PCCA: variants seen among roughly 807,000 people sequenced by gnomAD.
PCCA encodes the protein propionyl-CoA carboxylase alpha chain, mitochondrial.
Under a neutral mutation model 101.3 loss-of-function variants are expected in PCCA, and 74 were observed. That is an observed-to-expected ratio of 0.73 (90% confidence interval 0.61 to 0.89). The LOEUF is 0.89. PCCA is among the 40% of genes least tolerant of loss of function. PCCA has a pLI of 0.00. For synonymous variants in PCCA, 294 were observed against 313.6 expected (o/e 0.94, Z 0.66); for missense variants, 891 against 907.0 (o/e 0.98, Z 0.23).
chr13:100,309,902 A>T lies in PCCA; in HGVS notation c.1423A>T (p.Ile475Phe), dbSNP rs35719359. 1.2e-6 allele frequency: 2 copies of T among 1,609,830 alleles called. No individual in the cohort carries two copies. The highest frequency in any genetic ancestry group is 1.7e-6 in the Non-Finnish European group (2 of 1,176,156). Residue 475 changes from isoleucine to phenylalanine, a missense_variant, in exon 16 of 24, where the codon ATT becomes TTT. Coordinates refer to ENST00000376285, the MANE Select transcript of PCCA (RefSeq NM_000282.4). ...RMADALDNYV[I>F]RGVTHNIALL... ...GGCAGATGCACTGGATAACTATGTTATTCGAGGTAAAAACAAAGATTTGCA... is the reference window on the plus strand; with the variant it reads ...GGCAGATGCACTGGATAACTATGTTTTTCGAGGTAAAAACAAAGATTTGCA...
At chr13:100,356,998 A>G (rs534398624) in intron 18 of PCCA, among the ~76,000 whole-genome samples, 1 of 152,346 alleles carries the variant, frequency 6.6e-6, no homozygotes, top group Admixed American at 6.5e-5. Flanking sequence ...GAATAAGCAA[A>G]GCTATAGAAA....
chr13:100,224,459 A>T (rs2060027333), intron 7 of PCCA, among the ~76,000 whole-genome samples: 1 of 152,174 alleles, frequency 6.6e-6, no homozygotes, highest in African/African-American at 2.4e-5. Flanking sequence ...AAGCTGAGGG[A>T]GCTGGCTCTG....
intron 4 of PCCA, among the ~76,000 whole-genome samples, chr13:100,117,287 A>G (rs77455718): frequency 0.036 from 5,507 of 152,256 alleles, 347 homozygotes; most frequent in African/African-American, 0.13. Context: ...AAAAAATTAG[A>G]AAAGTAGTAC....
At chr13:100,368,206 T>C (rs1595619503) in intron 18 of PCCA, among the ~76,000 whole-genome samples, 1 of 151,534 alleles carries the variant, frequency 6.6e-6, no homozygotes, top group African/African-American at 2.4e-5. Flanking sequence ...TTCATTGTAA[T>C]TTTTTTTTAA....
At chr13:100,504,403 C>T (rs751516533) in intron 21 of PCCA, among the ~76,000 whole-genome samples, 7 of 152,140 alleles carry the variant, frequency 4.6e-5, no homozygotes, top group Admixed American at 3.3e-4. Context: ...AGAGAGTCAG[C>T]GTGAAGAGTT....
intron 10 of PCCA, among the ~76,000 whole-genome samples, chr13:100,263,527 A>C (rs1218908679): frequency 2.6e-5 from 4 of 152,206 alleles, no homozygotes; most frequent in Non-Finnish European, 5.9e-5. Flanking sequence ...GGCATGATAC[A>C]AAAAGTCCTA....
At chr13:100,251,390 T>C (rs1186345636) in intron 8 of PCCA, among the ~76,000 whole-genome samples, 1 of 152,176 alleles carries the variant, frequency 6.6e-6, no homozygotes, top group Non-Finnish European at 1.5e-5. Context: ...GTGACATAGA[T>C]TACAGCAGTA....
At chr13:100,141,923 G>T (rs2051918225) in intron 4 of PCCA, among the ~76,000 whole-genome samples, 1 of 152,126 alleles carries the variant, frequency 6.6e-6, no homozygotes, top group South Asian at 2.1e-4. Flanking sequence ...TCAAATAGTT[G>T]AATTACATAA....
intron 17 of PCCA, among the ~76,000 whole-genome samples, chr13:100,333,772 ATCT>A (rs1446083014): frequency 6.6e-6 from 1 of 152,166 alleles, no homozygotes; most frequent in Admixed American, 6.5e-5. Flanking sequence ...GAAGTTACAG[ATCT>A]TCTGGTAAAA....
At chr13:100,238,408 CTAAG>C (rs1371999326) in intron 8 of PCCA, among the ~76,000 whole-genome samples, 3 of 152,052 alleles carry the variant, frequency 2.0e-5, no homozygotes, top group African/African-American at 7.2e-5. Flanking sequence ...CTAATCTAAT[CTAAG>C]TCTTTTTTCT....
chr13:100,097,375 C>A (rs966259796), intron 1 of PCCA, among the ~76,000 whole-genome samples: 4 of 152,038 alleles, frequency 2.6e-5, no homozygotes, highest in Non-Finnish European at 5.9e-5. Context: ...GAGTTGTATA[C>A]TTTTTTAAAA....
intron 23 of PCCA, among the ~76,000 whole-genome samples, chr13:100,529,188 G>A (rs572518626): frequency 4.6e-5 from 7 of 152,258 alleles, no homozygotes; most frequent in Admixed American, 3.9e-4. Flanking sequence ...GTTCCTACCT[G>A]CGAGGCCACT....
intron 16 of PCCA, among the ~76,000 whole-genome samples, chr13:100,311,595 C>G (rs1386412168): frequency 6.6e-6 from 1 of 151,764 alleles, no homozygotes; most frequent in Non-Finnish European, 1.5e-5. Context: ...CTTGGCAGAA[C>G]CCCGTCTCTA....
chr13:100,240,348 A>G (rs1473051931), intron 8 of PCCA, among the ~76,000 whole-genome samples: 2 of 151,540 alleles, frequency 1.3e-5, no homozygotes, highest in Non-Finnish European at 2.9e-5. Flanking sequence ...GAACACAGCA[A>G]ATTTCAGGGC....
intron 6 of PCCA, among the ~76,000 whole-genome samples, chr13:100,183,395 A>T (rs891907129): frequency 1.3e-5 from 2 of 152,210 alleles, no homozygotes; most frequent in African/African-American, 4.8e-5. Flanking sequence ...ATTCTGGTAA[A>T]TATAAAGACA....
intron 6 of PCCA, among the ~76,000 whole-genome samples, chr13:100,167,150 T>A (rs1371668341): frequency 2.0e-5 from 3 of 152,220 alleles, no homozygotes; most frequent in African/African-American, 7.2e-5. Context: ...GATGTGGTTC[T>A]GTTTTCATTT....
chr13:100,167,159 T>G (rs2055129798), intron 6 of PCCA, among the ~76,000 whole-genome samples: 1 of 152,230 alleles, frequency 6.6e-6, no homozygotes, highest in Admixed American at 6.5e-5. Flanking sequence ...CTGTTTTCAT[T>G]TACTCAGCAG....
At chr13:100,304,653 A>G (rs9300599) in intron 14 of PCCA, among the ~76,000 whole-genome samples, 71,732 of 151,996 alleles carry the variant, frequency 0.47, 17,020 homozygotes, top group Middle Eastern at 0.54. Flanking sequence ...AATTTTAATT[A>G]TGCTAGAGGT....
Position 100,262,712 on chromosome 13 carries a change from C to T in PCCA, c.717-17C>T, listed in dbSNP as rs767932636. On this transcript the variant is annotated splice_polypyrimidine_tract_variant and intron_variant, in intron 9 of 23. Coordinates refer to ENST00000376285, the MANE Select transcript of PCCA (RefSeq NM_000282.4). ...TCCCTCTCCCCCCCTCCTCCTTCTT[C>T]CTTCTTTTTTTCACAGGGATGGTTT... is the stretch of plus-strand genomic sequence containing the variant. The T allele has an allele frequency of 4.5e-6, 4 of 884,580 alleles. No homozygotes were observed. The highest frequency in any genetic ancestry group is 2.6e-5 in the South Asian group (2 of 77,116). The allele number at this position is 884,580 out of a possible 1,614,324, so 54.8% of individuals were successfully genotyped here.
Sources: gnomAD v4.1 joint callset for allele counts (sites outside exome capture counted in the v4.1 genomes callset) on GRCh38, gnomAD v4.1.1 for gene constraint, MANE v1.5 for transcripts, NCBI Gene and HGNC (gene_info 2026-07-23, HGNC 2026-07-21) for gene names.